Variants in KIAA1217 observed in about 807,000 individuals in gnomAD.
KIAA1217 encodes KIAA1217.
In KIAA1217, 88 loss-of-function variants were observed where a neutral mutation model predicts 163.9. That is an observed-to-expected ratio of 0.54 (90% CI 0.45 to 0.64). The LOEUF (loss-of-function observed/expected upper bound fraction) is 0.64. Ranked by LOEUF, KIAA1217 falls within the 30% of genes least tolerant of loss-of-function variation. KIAA1217 has a pLI of 0.00. For synonymous variants in KIAA1217, 903 were observed against 923.1 expected, an observed-to-expected ratio of 0.98 and a Z score of 0.39; for missense variants, 2,372 against 2,475.0, an observed-to-expected ratio of 0.96 and a Z score of 0.88.
intron 3 of KIAA1217, among the ~76,000 whole-genome samples, chr10:24,415,108 CTCTTTTTTTTT>C (rs1476497106): frequency 5.2e-5 from 7 of 134,132 alleles, no homozygotes; most frequent in Admixed American, 3.0e-4. Context: ...CCTGATCTCT[CTCTTTTTTTTT>C]TTTTTTTTTT....
At chr10:24,494,409 T>C in intron 6 of KIAA1217, 91 bp from the exon 7 acceptor site, 1 of 1,038,338 alleles carries the variant, frequency 9.6e-7, no homozygotes, top group East Asian at 2.4e-5. Context: ...TTCTAGGTGG[T>C]ACCTTTTATA....
At chr10:24,181,937 T>A (rs993043807) in intron 2 of KIAA1217, among the ~76,000 whole-genome samples, 2 of 152,146 alleles carry the variant, frequency 1.3e-5, no homozygotes, top group African/African-American at 2.4e-5. Flanking sequence ...AACATGCCTG[T>A]TCTTTTTCAT....
chr10:23,743,586 A>C (rs1320204071), intron 1 of KIAA1217, among the ~76,000 whole-genome samples: 10 of 152,206 alleles, frequency 6.6e-5, no homozygotes, highest in Admixed American at 6.5e-4. Context: ...TTAGAATACA[A>C]CAATTATAAT....
chr10:24,320,699 C>T (rs902879391), intron 2 of KIAA1217, among the ~76,000 whole-genome samples: 12 of 152,088 alleles, frequency 7.9e-5, no homozygotes, highest in African/African-American at 1.4e-4. Context: ...GGCAGGAAGA[C>T]GGAAAATTCT....
chr10:23,968,647 C>T (rs1051726053), intron 1 of KIAA1217, among the ~76,000 whole-genome samples: 10 of 152,128 alleles, frequency 6.6e-5, no homozygotes, highest in Non-Finnish European at 1.3e-4. Flanking sequence ...AACCCCTGGC[C>T]CTAGACAATG....
At chr10:24,333,989 A>G (rs1388757840) in intron 2 of KIAA1217, among the ~76,000 whole-genome samples, 1 of 152,218 alleles carries the variant, frequency 6.6e-6, no homozygotes, top group Non-Finnish European at 1.5e-5. Context: ...CCCTACATCA[A>G]CTTGGAATAG....
chr10:23,814,632 C>T (rs573163148), intron 1 of KIAA1217, among the ~76,000 whole-genome samples: 1 of 152,276 alleles, frequency 6.6e-6, no homozygotes, highest in East Asian at 1.9e-4. Context: ...ATGAGCCACT[C>T]ACAATCCACC....
chr10:23,798,717 G>T (rs1836326993), intron 1 of KIAA1217, among the ~76,000 whole-genome samples: 1 of 152,136 alleles, frequency 6.6e-6, no homozygotes, highest in Non-Finnish European at 1.5e-5. Flanking sequence ...TCCCTGACAG[G>T]CAAGGTGCTG....
intron 1 of KIAA1217, among the ~76,000 whole-genome samples, chr10:23,966,507 C>G (rs962629331): frequency 1.3e-5 from 2 of 152,172 alleles, no homozygotes; most frequent in Admixed American, 6.5e-5. Context: ...TACCTGCTGT[C>G]TACCGTCAGC....
intron 1 of KIAA1217, among the ~76,000 whole-genome samples, chr10:23,810,437 A>T (rs1836950409): frequency 7.0e-6 from 1 of 143,782 alleles, no homozygotes; most frequent in Non-Finnish European, 1.5e-5. Context: ...TATATGTACT[A>T]TATATAGATT....
At chr10:23,797,562 C>T (rs534268742) in intron 1 of KIAA1217, among the ~76,000 whole-genome samples, 3 of 152,096 alleles carry the variant, frequency 2.0e-5, no homozygotes, top group South Asian at 2.1e-4. Context: ...GTACAGGAAG[C>T]GTGGCTGGGG....
intron 1 of KIAA1217, among the ~76,000 whole-genome samples, chr10:23,970,453 G>A (rs1296624474): frequency 1.3e-5 from 2 of 152,230 alleles, no homozygotes; most frequent in Non-Finnish European, 2.9e-5. Context: ...TAGAAGTAGA[G>A]AGTAGAGCAG....
At chr10:23,934,168 A>G (rs1335565580) in intron 1 of KIAA1217, among the ~76,000 whole-genome samples, 1 of 152,202 alleles carries the variant, frequency 6.6e-6, no homozygotes, top group Admixed American at 6.5e-5. Context: ...CTGGATAAGT[A>G]AAATGTGGTA....
intron 2 of KIAA1217, among the ~76,000 whole-genome samples, chr10:24,377,038 G>C (rs549512233): frequency 6.6e-6 from 1 of 152,190 alleles, no homozygotes; most frequent in African/African-American, 2.4e-5. Context: ...TTTCTATAGG[G>C]TCAATCACAG....
At chr10:24,084,542 C>CA (rs1261936335) in intron 2 of KIAA1217, among the ~76,000 whole-genome samples, 3 of 151,998 alleles carry the variant, frequency 2.0e-5, no homozygotes, top group East Asian at 1.9e-4. Flanking sequence ...GAGTATTTAA[C>CA]AAAAAAGAGA....
At chr10:23,720,106 T>C (rs1194994696) in intron 1 of KIAA1217, among the ~76,000 whole-genome samples, 1 of 151,472 alleles carries the variant, frequency 6.6e-6, no homozygotes, top group Non-Finnish European at 1.5e-5. Context: ...TAGATAGAGA[T>C]GGTGGTTACA....
chr10:24,402,316 C>T (rs1049467323), intron 3 of KIAA1217, among the ~76,000 whole-genome samples: 6 of 151,804 alleles, frequency 4.0e-5, no homozygotes, highest in Non-Finnish European at 7.4e-5. Flanking sequence ...ACCATCCTGG[C>T]TAACACGGTG....
intron 1 of KIAA1217, among the ~76,000 whole-genome samples, chr10:23,908,059 A>C (rs1224910733): frequency 8.5e-5 from 13 of 152,172 alleles, no homozygotes; most frequent in African/African-American, 3.1e-4. Flanking sequence ...CAATGTGAGC[A>C]AATGACCGTA....
At chr10:24,164,669 C>T (rs371625069) in intron 2 of KIAA1217, among the ~76,000 whole-genome samples, 2 of 152,206 alleles carry the variant, frequency 1.3e-5, no homozygotes, top group African/African-American at 4.8e-5. Flanking sequence ...ATTTTCTGTT[C>T]CCTTGGAATG....
Sources: allele counts gnomAD v4.1 joint callset (sites outside exome capture counted in the v4.1 genomes callset), GRCh38; gene constraint gnomAD v4.1.1; transcripts MANE v1.5; gene names NCBI Gene and HGNC (gene_info 2026-07-23, HGNC 2026-07-21).